The following LIME1 variants were observed in gnomAD, a reference collection of about 807,000 sequenced individuals.
LIME1 encodes Lck interacting transmembrane adaptor 1.
Under a neutral mutation model 18.8 loss-of-function variants are expected in LIME1, and 23 were observed. That is an observed-to-expected ratio of 1.22 (90% CI 0.88 to 1.73). LIME1 has a LOEUF of 1.73. Among genes scored for constraint, LIME1 ranks in the 40% most tolerant of loss-of-function variants. The probability of loss-of-function intolerance (pLI) is 0.00; values close to 1 mark genes in which losing one functional copy is unlikely to be tolerated. For missense variants in LIME1, 423 were observed against 396.8 expected (o/e 1.07, Z -0.56); for synonymous variants, 177 against 182.3 (o/e 0.97, Z 0.23).
chr20:63,737,643 C>T lies in LIME1; in HGVS notation c.94C>T (p.Arg32Cys), dbSNP rs1033961381. Reference protein sequence around the residue: ...LSLWALCTACRRPEDAVAPRK... With the variant: ...LSLWALCTACCRPEDAVAPRK... ...GCTGTGGGCGCTGTGCACAGCCTGC[C>T]GCAGGTAGGTCCCTCAGCCGCGTTC... The change falls in exon 2 of 6, where the codon CGC becomes TGC. Residue 32 changes from arginine (R) to cysteine (C), a missense_variant. Arg to Cys is a radical substitution (Grantham distance 180). Coordinates refer to ENST00000309546, the MANE Select transcript of LIME1 (RefSeq NM_017806.4). The T allele has an allele frequency of 1.9e-6, 3 of 1,586,656 alleles. No homozygotes were observed. Among genetic ancestry groups the T allele is most frequent in the Non-Finnish European group, 2.6e-6 (3 of 1,168,992 alleles).
At position 63,738,210 on chromosome 20, in the gene LIME1, T is replaced by C; in HGVS notation, c.296T>C (p.Leu99Pro). The C allele has an allele frequency of 6.3e-7, 1 of 1,588,774 alleles. No individual in the cohort carries two copies. Among genetic ancestry groups the C allele is most frequent in the Admixed American group, 1.7e-5 (1 of 58,432 alleles). Residue 99 changes from leucine to proline, a missense_variant, in exon 5 of 6, where the codon CTG (leucine) becomes CCG (proline). Physicochemically the swap from Leu to Pro is moderately conservative, Grantham distance 98. Coordinates refer to ENST00000309546, the MANE Select transcript of LIME1 (RefSeq NM_017806.4). ...RALRPASMDLLRPHWLEVSRD... is the reference protein window; with the variant it reads ...RALRPASMDLPRPHWLEVSRD... ...CTGCGGCCTGCCAGCATGGATCTCC[T>C]GCGCCCACACTGGCTGGAGGTGTCC...
At position 63,737,595 on chromosome 20, in the gene LIME1, G is replaced by A. The variant is rs1235894861; in HGVS notation, c.46G>A (p.Gly16Arg). The change falls in exon 2 of 6, where the codon GGG (glycine) becomes AGG (arginine). Residue 16 changes from glycine (G) to arginine (R), a missense_variant. Physicochemically the swap from Gly to Arg is moderately radical, Grantham distance 125. Coordinates refer to ENST00000309546, the MANE Select transcript of LIME1 (RefSeq NM_017806.4). ...SWAPPALWVL[G>R]CCALLLSLWA... ...GGCCCCTCCTGCCCTCTGGGTTCTA[G>A]GGTGCTGCGCCCTGCTCCTCTCGCT... 1 of 1,604,500 alleles carries A rather than the reference G, an allele frequency of 6.2e-7. No individual in the cohort carries two copies. The highest frequency in any genetic ancestry group is 8.5e-7 in the Non-Finnish European group (1 of 1,176,972).
intron 5 of LIME1, 29 bp from the exon 6 acceptor site, chr20:63,738,569 C>A: frequency 6.5e-7 from 1 of 1,532,574 alleles, no homozygotes; most frequent in Non-Finnish European, 8.8e-7. Flanking sequence ...TGGTGCTGAC[C>A]CCTCCTCGGG....
chr20:63,736,107 T>G, upstream of LIME1: 1 of 779,998 alleles, frequency 1.3e-6, no homozygotes, highest in Non-Finnish European at 2.0e-6. Context: ...GGCATTTCCT[T>G]GGCAAGGACA....
upstream of LIME1, chr20:63,735,743 G>A (rs1488050514): frequency 6.4e-7 from 1 of 1,564,478 alleles, no homozygotes; most frequent in South Asian, 1.2e-5. Context: ...TGGTGGCATG[G>A]CCCAGGACCC....
Position 63,738,463 on chromosome 20 carries a change from A to G in LIME1, c.549A>G (p.Pro183=). Residue 183 remains proline, a synonymous_variant, in exon 5 of 6, where the codon CCA becomes CCG. Coordinates refer to ENST00000309546, the MANE Select transcript of LIME1 (RefSeq NM_017806.4). ...GGACCCATCGCAGTCCCCAAGAGCC[A>G]CAGCAGGGGAAGACTGAGGTGACCC... ...RKGTHRSPQE[P]QQGKTEVTPA... is the part of the protein sequence containing the mutation. 6.5e-7 allele frequency: 1 copy of G among 1,527,010 alleles called. No individual in the cohort carries two copies. 94.6% of individuals were successfully genotyped at this position (1,527,010 alleles called of 1,614,324 possible).
rs1226648731 is a variant in LIME1 at position 63,737,528 on chromosome 20, C to T, written c.-17-5C>T. ...GCCCCCAGCGCCCCTTTCTTCTGTCCCCAGGGCCTCGGCTTCACAGGATGG... is the reference window on the plus strand; with the variant it reads ...GCCCCCAGCGCCCCTTTCTTCTGTCTCCAGGGCCTCGGCTTCACAGGATGG... On this transcript the variant is annotated splice_region_variant and splice_polypyrimidine_tract_variant and intron_variant, in intron 1 of 5. Transcript: ENST00000309546. 6.6e-7 allele frequency: 1 copy of T among 1,517,304 alleles called. No individual in the cohort carries two copies. The highest frequency in any genetic ancestry group is 2.3e-5 in the Admixed American group (1 of 43,964). The allele number at this position is 1,517,304 out of a possible 1,614,324, so 94.0% of individuals were successfully genotyped here.
chr20:63,737,145 C>A (rs556039188), intron 1 of LIME1: 165 of 1,003,742 alleles, frequency 1.6e-4, no homozygotes, highest in Middle Eastern at 5.0e-4. Context: ...ACACAGGAGA[C>A]CATGTCTGGG....
Position 63,737,593 on chromosome 20 carries a change from T to C in LIME1, c.44T>C (p.Leu15Pro). ...VSWAPPALWV[L>P]GCCALLLSLW... ...TGGGCCCCTCCTGCCCTCTGGGTTC[T>C]AGGGTGCTGCGCCCTGCTCCTCTCG... is the stretch of plus-strand genomic sequence containing the variant. Residue 15 changes from leucine (L) to proline (P), a missense_variant, in exon 2 of 6, where the codon CTA becomes CCA. Coordinates refer to ENST00000309546, the MANE Select transcript of LIME1 (RefSeq NM_017806.4). The C allele has an allele frequency of 1.2e-6, 2 of 1,604,622 alleles. No homozygotes were observed. Among genetic ancestry groups the C allele is most frequent in the Non-Finnish European group, 1.7e-6 (2 of 1,176,962 alleles).
chr20:63,739,029 C>A lies in LIME1; in HGVS notation c.*129C>A. On this transcript the variant is annotated 3_prime_UTR_variant, in exon 6 of 6. Transcript: ENST00000309546. The stretch of plus-strand genomic sequence containing the variant: ...CGTGAGGTCCGTGAGGTCCTGGCCG[C>A]TCTGACAGCCGCGGCCTCCCCGGGC... 7 of 810,042 alleles carry A rather than the reference C, an allele frequency of 8.6e-6. No individual in the cohort carries two copies. The highest frequency in any genetic ancestry group is 1.3e-5 in the Non-Finnish European group (7 of 541,594). 50.2% of individuals were successfully genotyped at this position (810,042 alleles called of 1,614,324 possible). A position where few individuals can be genotyped will look rare whatever the true frequency, so the allele number is the denominator to read the frequency against.
At position 63,737,966 on chromosome 20, in the gene LIME1, C is replaced by A; in HGVS notation, c.181-7C>A. The A allele has an allele frequency of 6.4e-7, 1 of 1,570,822 alleles. No individual in the cohort carries two copies. Among genetic ancestry groups the A allele is most frequent in the Non-Finnish European group, 8.6e-7 (1 of 1,160,140 alleles). On this transcript the variant is annotated splice_polypyrimidine_tract_variant and splice_region_variant and intron_variant, in intron 3 of 5. Coordinates refer to ENST00000309546, the MANE Select transcript of LIME1 (RefSeq NM_017806.4). ...GCAGGGCACCGACCAGCCTTCCTCG[C>A]CCCCAGTCCCTACTGAGGCGGACCC...
At position 63,738,631 on chromosome 20, in the gene LIME1, A is replaced by G. The variant is rs2092022885; in HGVS notation, c.619A>G (p.Lys207Glu). The G allele has an allele frequency of 6.3e-7, 1 of 1,587,636 alleles. No individual in the cohort carries two copies. Among genetic ancestry groups the G allele is most frequent in the Non-Finnish European group, 8.6e-7 (1 of 1,167,572 alleles). ...DVLYSRVCKP[K>E]RRDPGPTTDP... ...CCTGTACTCCAGGGTCTGCAAGCCT[A>G]AAAGGAGGGACCCAGGACCCACCAC... is the stretch of plus-strand genomic sequence containing the variant. The change falls in exon 6 of 6, where the codon AAA becomes GAA. Residue 207 changes from lysine (K) to glutamate (E), a missense_variant. Lys to Glu is a moderately conservative substitution (Grantham distance 56, BLOSUM62 1). Coordinates refer to ENST00000309546, the MANE Select transcript of LIME1 (RefSeq NM_017806.4).
chr20:63,738,014 G>A lies in LIME1; in HGVS notation c.222G>A (p.Ser74=), dbSNP rs1421671594. 6.4e-7 allele frequency: 1 copy of A among 1,568,490 alleles called. No individual in the cohort carries two copies. The highest frequency in any genetic ancestry group is 1.8e-5 in the Admixed American group (1 of 55,786). Residue 74 remains serine, a synonymous_variant, in exon 4 of 6, where the codon TCG becomes TCA. Coordinates refer to ENST00000309546, the MANE Select transcript of LIME1 (RefSeq NM_017806.4). ...RRTHLCSLSK[S]DTRLHELHRG... is the part of the protein sequence containing the mutation. Reference sequence around the variant, plus strand: ...CCCACCTCTGCTCCCTCAGCAAGTCGGACACCAGACTGCACGAGCTGCACC... The same window carrying A: ...CCCACCTCTGCTCCCTCAGCAAGTCAGACACCAGACTGCACGAGCTGCACC...
Position 63,738,293 on chromosome 20 carries a change from C to G in LIME1, c.379C>G (p.Arg127Gly). ...PSAFPHQELP[R>G]ALPAAAATAG... ...TGCCTTCCCACACCAGGAGCTGCCCCGGGCTCTGCCGGCAGCTGCAGCCAC... is the reference window on the plus strand; with the variant it reads ...TGCCTTCCCACACCAGGAGCTGCCCGGGGCTCTGCCGGCAGCTGCAGCCAC... The change falls in exon 5 of 6, where the codon CGG (arginine) becomes GGG (glycine). Residue 127 changes from arginine (R) to glycine (G), a missense_variant. Transcript: ENST00000309546. 1 of 1,569,574 alleles carries G rather than the reference C, an allele frequency of 6.4e-7. No individual in the cohort carries two copies.
chr20:63,736,678 C>T lies in LIME1; in HGVS notation c.-52C>T. ...TGCACAAAGACCTTCCTGGCCTGCC[C>T]CAGACAGAGCTGAGGACCCCTGGCC... On this transcript the variant is annotated 5_prime_UTR_variant, in exon 1 of 6. Transcript: ENST00000309546. 3.0e-6 allele frequency: 3 copies of T among 985,678 alleles called. No individual in the cohort carries two copies. Among genetic ancestry groups the T allele is most frequent in the African/African-American group, 1.7e-5 (1 of 57,314 alleles). 61.1% of individuals were successfully genotyped at this position (985,678 alleles called of 1,614,324 possible). A position where few individuals can be genotyped will look rare whatever the true frequency, so the allele number is the denominator to read the frequency against.
intron 1 of LIME1, 98 bp from the exon 2 acceptor site, chr20:63,737,435 G>T: frequency 7.2e-7 from 1 of 1,381,960 alleles, no homozygotes; most frequent in South Asian, 1.7e-5. Flanking sequence ...AACGGGAGAC[G>T]CAGGAGCCCC....
rs2236511 is a variant in LIME1 at position 63,737,808 on chromosome 20, C to T, written c.99-13C>T. ...GACGACCCCGCCCCCCGCCCCCCACCTCTACCCCCAAGGCCCGAGGACGCT... is the reference window on the plus strand; with the variant it reads ...GACGACCCCGCCCCCCGCCCCCCACTTCTACCCCCAAGGCCCGAGGACGCT... On this transcript the variant is annotated splice_polypyrimidine_tract_variant and intron_variant, in intron 2 of 5. Transcript: ENST00000309546. 7.2e-7 allele frequency: 1 copy of T among 1,379,534 alleles called. No homozygotes were observed. Among genetic ancestry groups the T allele is most frequent in the East Asian group, 2.6e-5 (1 of 37,932 alleles). 85.5% of individuals were successfully genotyped at this position (1,379,534 alleles called of 1,614,324 possible).
Position 63,737,805 on chromosome 20 carries a change from C to CCCCAAAA in LIME1, c.99-16_99-15insCCCAAAA. 7.2e-7 allele frequency: 1 copy of CCCCAAAA among 1,382,698 alleles called. No homozygotes were observed. Among genetic ancestry groups the CCCCAAAA allele is most frequent in the African/African-American group, 1.5e-5 (1 of 66,256 alleles). 85.7% of individuals were successfully genotyped at this position (1,382,698 alleles called of 1,614,324 possible). A position where few individuals can be genotyped will look rare whatever the true frequency, so the allele number is the denominator to read the frequency against. On this transcript the variant is annotated splice_polypyrimidine_tract_variant and intron_variant, in intron 2 of 5. Coordinates refer to ENST00000309546, the MANE Select transcript of LIME1 (RefSeq NM_017806.4). ...GCTGACGACCCCGCCCCCCGCCCCCCACCTCTACCCCCAAGGCCCGAGGAC... is the reference window on the plus strand; with the variant it reads ...GCTGACGACCCCGCCCCCCGCCCCCCCCCAAAAACCTCTACCCCCAAGGCCCGAGGAC...
chr20:63,738,255 AG>A lies in LIME1; in HGVS notation c.343del (p.Ala115GlnfsTer76). The A allele has an allele frequency of 6.3e-7, 1 of 1,589,338 alleles. No individual in the cohort carries two copies. On this transcript the variant is annotated frameshift_variant, in exon 5 of 6. Transcript: ENST00000309546. LOFTEE classifies it high-confidence loss of function. ...GTGTCCAGGGACATCACCGGACCGCAGGCAGCCCCCTCTGCCTTCCCACACC... is the reference window on the plus strand; with the variant it reads ...GTGTCCAGGGACATCACCGGACCGCAGCAGCCCCCTCTGCCTTCCCACACC... ...LEVSRDITGP[Q>X]AAPSAFPHQE...
Sources: allele counts gnomAD v4.1 joint callset, GRCh38; gene constraint gnomAD v4.1.1; transcripts MANE v1.5; gene names NCBI Gene and HGNC (gene_info 2026-07-23, HGNC 2026-07-21).